The following DAB1 variants were observed in gnomAD, a reference collection of about 807,000 sequenced individuals.
The protein encoded by DAB1 is disabled homolog 1.
Under a neutral mutation model 64.6 loss-of-function variants are expected in DAB1, and 15 were observed. The observed-to-expected ratio is 0.23, with a 90% CI of 0.16 to 0.36. The LOEUF (loss-of-function observed/expected upper bound fraction) is 0.36, where lower values mean the gene tolerates loss of function less well. Among genes scored for constraint, DAB1 ranks in the 10% least tolerant of loss-of-function variants. The probability of loss-of-function intolerance (pLI) is 1.00; values close to 1 mark genes in which losing one functional copy is unlikely to be tolerated. For missense variants in DAB1, 596 were observed against 706.7 expected, an observed-to-expected ratio of 0.84 and a Z score of 1.78; for synonymous variants, 235 against 251.9, an observed-to-expected ratio of 0.93 and a Z score of 0.64.
chr1:58,256,770 G>GA (rs1482305133), intron 4 of DAB1, among the ~76,000 whole-genome samples: 1 of 152,112 alleles, frequency 6.6e-6, no homozygotes, highest in African/African-American at 2.4e-5. Flanking sequence ...TATAGGCTTG[G>GA]AAAACATTTG....
At chr1:58,458,835 A>T (rs1484724309) in intron 3 of DAB1, among the ~76,000 whole-genome samples, 1 of 152,140 alleles carries the variant, frequency 6.6e-6, no homozygotes, top group East Asian at 1.9e-4. Flanking sequence ...ACAAACAAAA[A>T]AAAAAAACGG....
At chr1:57,528,799 C>A (rs889860147) in intron 7 of DAB1, among the ~76,000 whole-genome samples, 1 of 151,548 alleles carries the variant, frequency 6.6e-6, no homozygotes, top group Non-Finnish European at 1.5e-5. Flanking sequence ...GCCTGTCAAT[C>A]GAAAATTCTC....
chr1:57,922,970 T>TCCTC (rs1185034093), intron 5 of DAB1, among the ~76,000 whole-genome samples: 4 of 151,658 alleles, frequency 2.6e-5, no homozygotes, highest in East Asian at 1.9e-4. Context: ...CTTTCTTTCT[T>TCCTC]CCTCCCTCCC....
intron 5 of DAB1, among the ~76,000 whole-genome samples, chr1:58,062,989 C>A (rs1648598737): frequency 6.6e-6 from 1 of 152,180 alleles, no homozygotes; most frequent in Admixed American, 6.5e-5. Context: ...TTTATTCATT[C>A]ATTCATGCAA....
intron 5 of DAB1, among the ~76,000 whole-genome samples, chr1:58,019,023 A>T (rs1275471003): frequency 6.6e-6 from 1 of 152,150 alleles, no homozygotes; most frequent in Non-Finnish European, 1.5e-5. Flanking sequence ...TCTCAGCTCC[A>T]CCACAGGCTG....
At chr1:57,523,753 C>T (rs1274400520) in intron 7 of DAB1, among the ~76,000 whole-genome samples, 1 of 151,912 alleles carries the variant, frequency 6.6e-6, no homozygotes, top group African/African-American at 2.4e-5. Flanking sequence ...GAAATCTCAT[C>T]TCTACCAAAA....
intron 4 of DAB1, among the ~76,000 whole-genome samples, chr1:58,199,161 C>T (rs753437820): frequency 2.0e-5 from 3 of 152,006 alleles, no homozygotes; most frequent in Admixed American, 1.3e-4. Context: ...CCTATTGATC[C>T]CATAAGAAGC....
At chr1:58,189,482 C>T (rs189764031) in intron 4 of DAB1, among the ~76,000 whole-genome samples, 1 of 152,040 alleles carries the variant, frequency 6.6e-6, no homozygotes, top group African/African-American at 2.4e-5. Flanking sequence ...CCTAGACCAC[C>T]CTCATTTCTA....
chr1:58,108,905 G>A lies in DAB1; in HGVS notation n.387+41606C>T, dbSNP rs184846970. On this transcript the variant is annotated intron_variant and non_coding_transcript_variant, in intron 5 of 20. Transcript: ENST00000485760. ...AGTTTAGAGAGAGGTGTCTTTTGGG[G>A]CCTCAAATGGAATAGTCTTGAGATG... Among the ~76,000 whole-genome samples, 9 of 152,244 alleles carry A rather than the reference G, an allele frequency of 5.9e-5. No homozygotes were observed. In the East Asian group the frequency reaches 1.4e-3, roughly 23 times the overall value.
At chr1:58,286,398 A>C (rs1454472068) in intron 4 of DAB1, among the ~76,000 whole-genome samples, 1 of 152,106 alleles carries the variant, frequency 6.6e-6, no homozygotes. Context: ...ATGGAAGGAA[A>C]TGTTTGCAGT....
intron 9 of DAB1, among the ~76,000 whole-genome samples, chr1:57,061,670 T>C (rs1650410084): frequency 6.6e-6 from 1 of 152,228 alleles, no homozygotes; most frequent in African/African-American, 2.4e-5. Flanking sequence ...CAGTGGCCTT[T>C]GGAGTCCCAT....
chr1:57,142,629 C>T lies in DAB1; in HGVS notation c.207+2661G>A, dbSNP rs537113157. 5.1e-3 allele frequency among the ~76,000 whole-genome samples: 710 copies of T among 139,902 alleles called. 3 individuals are homozygous for T. The highest frequency in any genetic ancestry group is 0.02 in the African/African-American group (673 of 33,740). 91.8% of individuals were successfully genotyped at this position (139,902 alleles called of 152,430 possible). On this transcript the variant is annotated intron_variant, in intron 3 of 14. Transcript: ENST00000371236. ...ACACACACACACACACACACACACA[C>T]ATACACACACACACACACACGGTTG...
At chr1:57,281,615 G>C (rs1236335565) in intron 2 of DAB1, among the ~76,000 whole-genome samples, 8 of 152,086 alleles carry the variant, frequency 5.3e-5, no homozygotes, top group African/African-American at 1.9e-4. Context: ...TTTTTCCTGA[G>C]GGCAGGAGGA....
At chr1:58,437,209 C>T (rs768085562) in intron 3 of DAB1, among the ~76,000 whole-genome samples, 2 of 152,192 alleles carry the variant, frequency 1.3e-5, no homozygotes, top group Non-Finnish European at 2.9e-5. Flanking sequence ...TCAGGCCTCA[C>T]CTCGGAGAGT....
chr1:58,358,149 T>C (rs1644128796), intron 3 of DAB1, among the ~76,000 whole-genome samples: 1 of 152,202 alleles, frequency 6.6e-6, no homozygotes, highest in African/African-American at 2.4e-5. Context: ...CTTAGGAGCC[T>C]TAACTACCTT....
At chr1:58,355,793 T>G (rs917823220) in intron 3 of DAB1, among the ~76,000 whole-genome samples, 2 of 152,182 alleles carry the variant, frequency 1.3e-5, no homozygotes, top group African/African-American at 4.8e-5. Flanking sequence ...CATTCATACC[T>G]CCTGTGTTAT....
At chr1:57,996,199 C>T (rs1489754057) in intron 5 of DAB1, among the ~76,000 whole-genome samples, 2 of 152,134 alleles carry the variant, frequency 1.3e-5, no homozygotes, top group South Asian at 2.1e-4. Context: ...GCAGAGGAGG[C>T]AATGAGCTGA....
intron 4 of DAB1, among the ~76,000 whole-genome samples, chr1:58,235,871 C>A (rs1660003205): frequency 6.6e-6 from 1 of 152,198 alleles, no homozygotes; most frequent in African/African-American, 2.4e-5. Context: ...CATTGACATC[C>A]CAAAGAGAGA....
At chr1:58,189,855 G>T (rs6701275) in intron 4 of DAB1, among the ~76,000 whole-genome samples, 41,183 of 152,110 alleles carry the variant, frequency 0.27, 6,011 homozygotes, top group East Asian at 0.45. Flanking sequence ...TGAGGCACAG[G>T]GGTCCCATGG....
Sources: allele counts gnomAD v4.1 joint callset (sites outside exome capture counted in the v4.1 genomes callset), GRCh38; gene constraint gnomAD v4.1.1; transcripts MANE v1.5; gene names NCBI Gene and HGNC (gene_info 2026-07-23, HGNC 2026-07-21).